GUCD1: variants seen among roughly 807,000 people sequenced by gnomAD.
GUCD1 encodes the protein protein GUCD1.
In GUCD1, 17 loss-of-function variants were observed where a neutral mutation model predicts 28.3. The ratio of observed to expected loss-of-function variants is 0.60; its 90% CI spans 0.41 to 0.90. GUCD1 has a LOEUF of 0.90. Ranked by LOEUF, GUCD1 falls within the 40% of genes least tolerant of loss-of-function variation. GUCD1 has a pLI of 0.00. For missense variants in GUCD1, 279 were observed against 305.5 expected, an observed-to-expected ratio of 0.91 and a Z score of 0.65; for synonymous variants, 129 against 123.3, an observed-to-expected ratio of 1.05 and a Z score of -0.30.
intron 2 of GUCD1, among the ~76,000 whole-genome samples, chr22:24,548,679 C>G (rs1425764804): frequency 1.3e-5 from 2 of 152,204 alleles, no homozygotes; most frequent in Non-Finnish European, 2.9e-5. Flanking sequence ...GGCCTGGGCA[C>G]CTGGGACTTC....
intron 1 of GUCD1, among the ~76,000 whole-genome samples, chr22:24,554,211 G>A (rs1464704457): frequency 6.6e-6 from 1 of 152,174 alleles, no homozygotes; most frequent in Non-Finnish European, 1.5e-5. Context: ...CTCCTCTGAG[G>A]CTCAGGAAAG....
intron 1 of GUCD1, among the ~76,000 whole-genome samples, chr22:24,553,280 A>G (rs2044932341): frequency 6.6e-6 from 1 of 152,230 alleles, no homozygotes; most frequent in Non-Finnish European, 1.5e-5. Flanking sequence ...TGGGCCACAC[A>G]TAAACTACAC....
At chr22:24,543,779 C>A in intron 5 of GUCD1, 63 bp downstream of exon 5, 2 of 1,578,064 alleles carry the variant, frequency 1.3e-6, no homozygotes, top group South Asian at 1.2e-5. Context: ...GAACTGTGGG[C>A]ACTGGGCATA....
chr22:24,543,175 G>T (rs2044636935), intron 5 of GUCD1, 78 bp from the exon 6 acceptor site: 4 of 1,011,542 alleles, frequency 4.0e-6, no homozygotes, highest in South Asian at 2.6e-5. Context: ...GTGCCCAGGG[G>T]AGCTGAGTGA....
chr22:24,543,039 A>G lies in GUCD1; in HGVS notation c.687T>C (p.Asp229=). Residue 229 remains aspartate, a synonymous_variant, in exon 6 of 6, where the codon GAT becomes GAC. Transcript: ENST00000435822. ...FEEARTSYGT[D]EDILFVYLDS is the part of the protein sequence containing the mutation. ...CCAAGTAGACAAAGAGGATGTCCTC[A>G]TCTGTGCCATAGCTGGTTCTGGCCT... The G allele has an allele frequency of 6.2e-7, 1 of 1,613,946 alleles. No homozygotes were observed. The highest frequency in any genetic ancestry group is 8.5e-7 in the Non-Finnish European group (1 of 1,179,816).
chr22:24,555,559 T>C, upstream of GUCD1: 1 of 1,534,936 alleles, frequency 6.5e-7, no homozygotes, highest in Non-Finnish European at 8.8e-7. Context: ...GCCGCTCTAC[T>C]CTATACCTAA....
chr22:24,543,256 C>T (rs1411147458), intron 5 of GUCD1, among the ~76,000 whole-genome samples, 159 bp from the exon 6 acceptor site: 1 of 152,134 alleles, frequency 6.6e-6, no homozygotes, highest in Non-Finnish European at 1.5e-5. Context: ...CCTCCTTGCC[C>T]ATCCTGGTCT....
At chr22:24,555,156 G>A (rs945373185), upstream of GUCD1, 4 of 1,308,688 alleles carry the variant, frequency 3.1e-6, no homozygotes, top group East Asian at 3.1e-5. Context: ...CCCAAGCGCC[G>A]CCCCAGCCCT....
rs1000384492 is a variant in GUCD1 at position 24,555,086 on chromosome 22, T to C, written c.-95A>G. ...GGGAGGGCGGTCGGTGCGTGTCGAG[T>C]TCCTTCTCCGCCACCGCCGCCGCTG... On this transcript the variant is annotated 5_prime_UTR_variant, in exon 1 of 6. Transcript: ENST00000435822. The C allele has an allele frequency of 9.1e-6, 12 of 1,315,586 alleles. No homozygotes were observed. The highest frequency in any genetic ancestry group is 6.2e-5 in the East Asian group (2 of 32,054). 81.5% of individuals were successfully genotyped at this position (1,315,586 alleles called of 1,614,324 possible).
chr22:24,545,917 G>A (rs1380667535), intron 4 of GUCD1, among the ~76,000 whole-genome samples: 1 of 147,486 alleles, frequency 6.8e-6, no homozygotes, highest in Admixed American at 6.9e-5. Flanking sequence ...AAAGCCCGGG[G>A]CAGTACTCTT....
rs2044800912 is a variant in GUCD1, at chr22:24,548,968, T to C, written c.77A>G (p.Gln26Arg). 2.5e-6 allele frequency: 4 copies of C among 1,586,632 alleles called. No homozygotes were observed. Among genetic ancestry groups the C allele is most frequent in the South Asian group, 1.2e-5 (1 of 86,568 alleles). ...DFVQLPVPVI[Q>R]QLYHWDCGLA... ...GCCACAGTCCCAGTGGTAGAGCTGC[T>C]GGATGACGGGCACAGGCAGTTGCAC... Residue 26 changes from glutamine (Q) to arginine (R), a missense_variant, in exon 2 of 6, where the codon CAG becomes CGG. Coordinates refer to ENST00000435822, the MANE Select transcript of GUCD1 (RefSeq NM_001284254.2).
At chr22:24,552,656 G>T (rs2147099420) in intron 1 of GUCD1, among the ~76,000 whole-genome samples, 1 of 152,050 alleles carries the variant, frequency 6.6e-6, no homozygotes, top group South Asian at 2.1e-4. Context: ...TCTTATCCCA[G>T]CTACTCGGGA....
In GUCD1 at chr22:24,543,857, G is replaced by C; in HGVS notation, c.613C>G (p.Pro205Ala). The C allele has an allele frequency of 1.2e-6, 2 of 1,614,042 alleles. No individual in the cohort carries two copies. Among genetic ancestry groups the C allele is most frequent in the Non-Finnish European group, 1.7e-6 (2 of 1,179,964 alleles). ...CAGCACTCACGGTCGGCATAGGCTG[G>C]GTTGTTGTAGAAGATGCAGCCAGTG... ...RATGCIFYNN[P>A]AYADRMCSTS... Residue 205 changes from proline (P) to alanine (A), a missense_variant, in exon 5 of 6, where the codon CCA becomes GCA. By Grantham distance (27) the Pro-to-Ala change is conservative. Coordinates refer to ENST00000435822, the MANE Select transcript of GUCD1 (RefSeq NM_001284254.2).
At chr22:24,550,475 A>G (rs989917430) in intron 1 of GUCD1, among the ~76,000 whole-genome samples, 4 of 152,318 alleles carry the variant, frequency 2.6e-5, no homozygotes, top group South Asian at 2.1e-4. Context: ...GAACCTGGAC[A>G]AAGTTCAGAG....
At chr22:24,543,515 C>T (rs534025535) in intron 5 of GUCD1, among the ~76,000 whole-genome samples, 7 of 152,240 alleles carry the variant, frequency 4.6e-5, no homozygotes, top group East Asian at 1.9e-4. Context: ...AGGAATGTGC[C>T]GGCCATCCTG....
upstream of GUCD1, chr22:24,555,539 T>G: frequency 6.8e-7 from 1 of 1,476,940 alleles, no homozygotes; most frequent in Non-Finnish European, 9.2e-7. Context: ...GGGATAACCC[T>G]GAGCGGGCAG....
chr22:24,547,734 C>T (rs1340783996), intron 3 of GUCD1, 174 bp downstream of exon 3: 1 of 649,714 alleles, frequency 1.5e-6, no homozygotes, highest in East Asian at 2.8e-5. Flanking sequence ...CCTGCTCTGA[C>T]TGGCTCCCAA....
chr22:24,549,854 G>A (rs1418934452), intron 1 of GUCD1, among the ~76,000 whole-genome samples: 1 of 152,174 alleles, frequency 6.6e-6, no homozygotes, highest in Non-Finnish European at 1.5e-5. Context: ...TTTCATTCCA[G>A]GGCTGGCACA....
In GUCD1 at chr22:24,548,030, G is replaced by A. The variant is rs750740317; in HGVS notation, c.172C>T (p.Gln58Ter). 6.2e-7 allele frequency: 1 copy of A among 1,614,138 alleles called. No individual in the cohort carries two copies. The highest frequency in any genetic ancestry group is 8.5e-7 in the Non-Finnish European group (1 of 1,180,010). Reference sequence around the variant, plus strand: ...ATGCTCCTGGTCAGCTGCAGCTTCTGCAGGGCTCTCTCAAACTCACTGTCG... The same window carrying A: ...ATGCTCCTGGTCAGCTGCAGCTTCTACAGGGCTCTCTCAAACTCACTGTCG... ...LDDSEFERAL[Q>*]KLQLTRSIWT... The change falls in exon 3 of 6, where the codon CAG becomes TAG. Residue 58 changes from glutamine (Q) to a stop codon, truncating the protein, a stop_gained. Coordinates refer to ENST00000435822, the MANE Select transcript of GUCD1 (RefSeq NM_001284254.2). LOFTEE classifies it high-confidence loss of function.
Sources: gnomAD v4.1 joint callset for allele counts (sites outside exome capture counted in the v4.1 genomes callset) on GRCh38, gnomAD v4.1.1 for gene constraint, MANE v1.5 for transcripts, NCBI Gene and HGNC (gene_info 2026-07-23, HGNC 2026-07-21) for gene names.